Variants in FRMD5 observed in about 807,000 individuals in gnomAD.
FRMD5 encodes the protein FERM domain-containing protein 5.
FRMD5 carries 20 observed loss-of-function variants against 69.0 expected under a neutral mutation model. The ratio of observed to expected loss-of-function variants is 0.29; its 90% CI spans 0.20 to 0.42. FRMD5 has a LOEUF of 0.42. FRMD5 is among the 10% of genes least tolerant of loss of function. FRMD5 has a pLI of 1.00. For missense variants in FRMD5, 595 were observed against 708.6 expected (o/e 0.84, Z 1.82); for synonymous variants, 271 against 260.1 (o/e 1.04, Z -0.40).
At chr15:43,982,386 T>C (rs1157311466) in intron 1 of FRMD5, among the ~76,000 whole-genome samples, 1 of 152,274 alleles carries the variant, frequency 6.6e-6, no homozygotes, top group Non-Finnish European at 1.5e-5. Context: ...AAAAGGATTC[T>C]TGTTGTCCAG....
intron 12 of FRMD5, 136 bp from the exon 13 acceptor site, chr15:43,883,945 A>G: frequency 1.5e-6 from 1 of 660,460 alleles, no homozygotes; most frequent in Non-Finnish European, 2.7e-6. Flanking sequence ...AATCTTTAAT[A>G]CCTTCTCTTT....
At chr15:44,189,095 G>A (rs1280710004) in intron 1 of FRMD5, among the ~76,000 whole-genome samples, 1 of 152,198 alleles carries the variant, frequency 6.6e-6, no homozygotes, top group African/African-American at 2.4e-5. Flanking sequence ...TAGAGAACTT[G>A]ATTCACACAA....
intron 1 of FRMD5, among the ~76,000 whole-genome samples, chr15:44,116,714 C>T (rs2076873512): frequency 6.6e-6 from 1 of 152,120 alleles, no homozygotes. Flanking sequence ...TGCATCATTC[C>T]TCCCTTGGGC....
At chr15:44,121,823 T>C (rs957884336) in intron 1 of FRMD5, among the ~76,000 whole-genome samples, 1 of 151,720 alleles carries the variant, frequency 6.6e-6, no homozygotes, top group African/African-American at 2.4e-5. Context: ...GGCGAAACCC[T>C]GTCTCTAACT....
chr15:43,931,756 A>C (rs2089680266), intron 1 of FRMD5, among the ~76,000 whole-genome samples: 2 of 152,210 alleles, frequency 1.3e-5, no homozygotes, highest in South Asian at 4.1e-4. Context: ...TTTACTGGCC[A>C]GTGCCAACAT....
At chr15:44,007,594 T>G (rs1446046415) in intron 1 of FRMD5, among the ~76,000 whole-genome samples, 3 of 151,732 alleles carry the variant, frequency 2.0e-5, no homozygotes, top group Non-Finnish European at 4.4e-5. Context: ...TATCTTTTAA[T>G]TTTTTGAATT....
intron 1 of FRMD5, among the ~76,000 whole-genome samples, chr15:44,138,962 T>C (rs908381634): frequency 1.3e-5 from 2 of 151,762 alleles, no homozygotes; most frequent in Non-Finnish European, 2.9e-5. Context: ...GAGTGGGGAG[T>C]AGGCCAGCAC....
intron 1 of FRMD5, among the ~76,000 whole-genome samples, chr15:44,132,101 G>A (rs2077108851): frequency 6.6e-6 from 1 of 152,130 alleles, no homozygotes; most frequent in Non-Finnish European, 1.5e-5. Flanking sequence ...CATAAGGAGT[G>A]CGCAGCCTAG....
At chr15:43,938,187 C>T (rs995652887) in intron 1 of FRMD5, among the ~76,000 whole-genome samples, 13 of 146,038 alleles carry the variant, frequency 8.9e-5, no homozygotes, top group South Asian at 4.3e-4. Context: ...GCCGAGATCG[C>T]GCCACTGGCA....
At chr15:44,155,329 G>A (rs1382419148) in intron 1 of FRMD5, among the ~76,000 whole-genome samples, 1 of 151,852 alleles carries the variant, frequency 6.6e-6, no homozygotes, top group Non-Finnish European at 1.5e-5. Flanking sequence ...CTACTCAGGA[G>A]GCTGAGGCAC....
chr15:44,076,041 G>C (rs1204804399), intron 1 of FRMD5, among the ~76,000 whole-genome samples: 1 of 152,224 alleles, frequency 6.6e-6, no homozygotes, highest in East Asian at 1.9e-4. Flanking sequence ...ATTTGTTTGA[G>C]TTCATTGTAG....
chr15:44,015,862 C>A (rs1321216676), intron 1 of FRMD5, among the ~76,000 whole-genome samples: 1 of 151,396 alleles, frequency 6.6e-6, no homozygotes, highest in Non-Finnish European at 1.5e-5. Flanking sequence ...TTTTCCTTTA[C>A]TGCAGAATTA....
chr15:44,160,310 G>A (rs947182157), intron 1 of FRMD5, among the ~76,000 whole-genome samples: 11 of 152,270 alleles, frequency 7.2e-5, no homozygotes, highest in African/African-American at 2.2e-4. Context: ...GAGCCGAGAT[G>A]GCGCCACTGC....
intron 13 of FRMD5, among the ~76,000 whole-genome samples, chr15:43,880,054 C>G (rs2088481605): frequency 6.6e-6 from 1 of 152,114 alleles, no homozygotes; most frequent in South Asian, 2.1e-4. Context: ...GAGAACAATC[C>G]CAGAGGGTAA....
intron 1 of FRMD5, among the ~76,000 whole-genome samples, chr15:43,992,387 T>G (rs938938331): frequency 1.3e-5 from 2 of 152,030 alleles, no homozygotes; most frequent in African/African-American, 2.4e-5. Context: ...ATATTTATTT[T>G]TATTTTTTTG....
At chr15:43,924,168 G>C in intron 2 of FRMD5, 37 bp downstream of exon 2, 1 of 1,454,248 alleles carries the variant, frequency 6.9e-7, no homozygotes, top group African/African-American at 1.4e-5. Flanking sequence ...TTATTGACTA[G>C]CCCTGTCCTC....
chr15:44,066,668 C>A (rs965215766), intron 1 of FRMD5, among the ~76,000 whole-genome samples: 2 of 152,052 alleles, frequency 1.3e-5, no homozygotes, highest in African/African-American at 4.8e-5. Context: ...AATGAGTCAT[C>A]AAAGTTTTTA....
At chr15:43,875,829 T>A in intron 13 of FRMD5, 1 of 424,700 alleles carries the variant, frequency 2.4e-6, no homozygotes, top group Non-Finnish European at 4.4e-6. Flanking sequence ...TTTTTTTTTC[T>A]TTCAGTCTTT....
intron 1 of FRMD5, among the ~76,000 whole-genome samples, chr15:44,185,916 TTG>T (rs1264568313): frequency 6.6e-6 from 1 of 152,182 alleles, no homozygotes; most frequent in Admixed American, 6.5e-5. Flanking sequence ...TTCTGCTTTC[TTG>T]TGTTTTTTGT....
Sources: allele counts gnomAD v4.1 joint callset (sites outside exome capture counted in the v4.1 genomes callset), GRCh38; gene constraint gnomAD v4.1.1; transcripts MANE v1.5; gene names NCBI Gene and HGNC (gene_info 2026-07-23, HGNC 2026-07-21).